DLEU7: variants seen among roughly 807,000 people sequenced by gnomAD.
The protein encoded by DLEU7 is leukemia-associated protein 7.
DLEU7 carries 17 observed loss-of-function variants against 16.0 expected under a neutral mutation model. That is an observed-to-expected ratio of 1.06 (90% CI 0.73 to 1.59). The LOEUF (loss-of-function observed/expected upper bound fraction) is 1.59. DLEU7 is among the 40% of genes most tolerant of loss of function. DLEU7 has a pLI of 0.00. For missense variants in DLEU7, 308 were observed against 314.9 expected, an observed-to-expected ratio of 0.98 and a Z score of 0.17; for synonymous variants, 113 against 139.8, an observed-to-expected ratio of 0.81 and a Z score of 1.35.
chr13:50,735,873 G>A (rs1874056171), intron 1 of DLEU7, among the ~76,000 whole-genome samples: 1 of 152,144 alleles, frequency 6.6e-6, no homozygotes, highest in African/African-American at 2.4e-5. Flanking sequence ...TGGCAAGGTT[G>A]CAGAGAAAAA....
intron 1 of DLEU7, among the ~76,000 whole-genome samples, chr13:50,829,748 G>A (rs1018632485): frequency 2.6e-5 from 4 of 152,220 alleles, no homozygotes; most frequent in South Asian, 4.1e-4. Context: ...TAGGCTTTCC[G>A]TGGGACTCTT....
intron 1 of DLEU7, chr13:50,808,442 T>C (rs1876460341): frequency 6.6e-6 from 1 of 152,174 alleles, no homozygotes; most frequent in South Asian, 2.1e-4. Flanking sequence ...CTGCAAGAAG[T>C]ACCAAGTGTT....
rs748081839 is a variant in DLEU7 at position 50,843,668 on chromosome 13, G to A, written c.-22C>T. 31 of 1,497,258 alleles carry A rather than the reference G, an allele frequency of 2.1e-5. No individual in the cohort carries two copies. The African/African-American group carries it at 3.6e-4, about 17-fold the overall frequency. The allele number at this position is 1,497,258 out of a possible 1,614,324, so 92.7% of individuals were successfully genotyped here. A position where few individuals can be genotyped will look rare whatever the true frequency, so the allele number is the denominator to read the frequency against. On this transcript the variant is annotated 5_prime_UTR_variant, in exon 1 of 2. Transcript: ENST00000504404. This position sits in a 1 kb window ranked among gnomAD's most constrained non-coding sequence, Gnocchi z 5.7. ...CCATCGCCTCCGCTGGCGGCCCGGCGCGCTCCGCGTGCAGGTGGAGCAGCA... is the reference window on the plus strand; with the variant it reads ...CCATCGCCTCCGCTGGCGGCCCGGCACGCTCCGCGTGCAGGTGGAGCAGCA...
At chr13:50,737,731 GAC>G (rs1208606048) in intron 1 of DLEU7, among the ~76,000 whole-genome samples, 1 of 152,030 alleles carries the variant, frequency 6.6e-6, no homozygotes, top group African/African-American at 2.4e-5. Context: ...AATTCCCTGA[GAC>G]ACAACAATAT....
intron 1 of DLEU7, among the ~76,000 whole-genome samples, chr13:50,752,784 G>A (rs1354740529): frequency 1.3e-5 from 2 of 152,138 alleles, no homozygotes; most frequent in Non-Finnish European, 2.9e-5. Flanking sequence ...CCCAAAGAGT[G>A]AGCAGCAACA....
At chr13:50,774,293 A>T (rs755749376) in intron 1 of DLEU7, among the ~76,000 whole-genome samples, 3 of 152,138 alleles carry the variant, frequency 2.0e-5, no homozygotes, top group Admixed American at 2.0e-4. Context: ...AACCAGTCCC[A>T]GTGAGATGAA....
chr13:50,843,582 T>A lies in DLEU7; in HGVS notation c.65A>T (p.Gln22Leu), dbSNP rs1486870189. ...CCAGCCCCACTCCTGCTGCAGCAGC[T>A]GCAAGGTCTGCAGAGCCACCATTTG... is the stretch of plus-strand genomic sequence containing the variant. ...SHQMVALQTLQLLQQEWGWGD... is the reference protein window; with the variant it reads ...SHQMVALQTLLLLQQEWGWGD... Residue 22 changes from glutamine (Q) to leucine (L), a missense_variant, in exon 1 of 2, where the codon CAG (glutamine) becomes CTG (leucine). Gln to Leu is a moderately radical substitution (Grantham distance 113). Transcript: ENST00000504404. The surrounding 1 kb of genome is among the most constrained non-coding windows in gnomAD (Gnocchi z 5.7). 4 of 1,499,354 alleles carry A rather than the reference T, an allele frequency of 2.7e-6. No individual in the cohort carries two copies. The highest frequency in any genetic ancestry group is 1.5e-5 in the African/African-American group (1 of 68,932). 92.9% of individuals were successfully genotyped at this position (1,499,354 alleles called of 1,614,324 possible).
chr13:50,828,368 C>T (rs779618910), intron 1 of DLEU7, among the ~76,000 whole-genome samples: 9 of 152,022 alleles, frequency 5.9e-5, no homozygotes, highest in Non-Finnish European at 1.3e-4. Flanking sequence ...ACATAGATAC[C>T]CTTCCCAAAA....
chr13:50,820,235 C>G (rs1454693833), downstream of DLEU7, among the ~76,000 whole-genome samples: 1 of 150,238 alleles, frequency 6.7e-6, no homozygotes, highest in East Asian at 2.0e-4. Context: ...GGGAATTGGA[C>G]AAAAAGAATT....
intron 1 of DLEU7, among the ~76,000 whole-genome samples, chr13:50,798,213 A>G (rs1876153387): frequency 6.6e-6 from 1 of 152,204 alleles, no homozygotes. Flanking sequence ...AGTCATTGAA[A>G]GTGACCTAAC....
chr13:50,776,030 T>A (rs1295130298), intron 1 of DLEU7, among the ~76,000 whole-genome samples: 1 of 152,240 alleles, frequency 6.6e-6, no homozygotes, highest in African/African-American at 2.4e-5. Flanking sequence ...CAGCCTTTTA[T>A]TCCCATGAAG....
chr13:50,752,052 C>CTTTTTTTTTTTTTTTTTTTTTTTT (rs200928092), intron 1 of DLEU7, among the ~76,000 whole-genome samples: 1 of 135,756 alleles, frequency 7.4e-6, no homozygotes, highest in African/African-American at 2.7e-5. Context: ...CTCTTTCAGT[C>CTTTTTTTTTTTTTTTTTTTTTTTT]TTTTTTTTTT....
intron 1 of DLEU7, among the ~76,000 whole-genome samples, chr13:50,814,127 C>G (rs1876651427): frequency 6.6e-6 from 1 of 151,872 alleles, no homozygotes; most frequent in Non-Finnish European, 1.5e-5. Context: ...TGAACATTGC[C>G]AACAGATTTC....
At chr13:50,762,126 G>A (rs1874952492) in intron 1 of DLEU7, among the ~76,000 whole-genome samples, 1 of 148,874 alleles carries the variant, frequency 6.7e-6, no homozygotes, top group Non-Finnish European at 1.5e-5. Context: ...GGGAGGCGGA[G>A]GTTGCAGTGA....
chr13:50,720,236 G>A (rs1873560413), intron 1 of DLEU7, among the ~76,000 whole-genome samples: 1 of 152,132 alleles, frequency 6.6e-6, no homozygotes, highest in Non-Finnish European at 1.5e-5. Context: ...CACATCATGT[G>A]GCAAGCTGAG....
At chr13:50,771,152 T>C (rs9591358) in intron 1 of DLEU7, among the ~76,000 whole-genome samples, 1,630 of 152,100 alleles carry the variant, frequency 0.011, 27 homozygotes, top group African/African-American at 0.036. Flanking sequence ...ATTTGATTCT[T>C]CTCTTTTCTT....
intron 1 of DLEU7, among the ~76,000 whole-genome samples, chr13:50,770,388 G>T (rs1462421604): frequency 6.6e-6 from 1 of 152,130 alleles, no homozygotes; most frequent in Non-Finnish European, 1.5e-5. Context: ...TGCCCATTCA[G>T]TATGATATTG....
chr13:50,729,512 TG>T (rs1225313259), intron 1 of DLEU7, among the ~76,000 whole-genome samples: 1 of 152,054 alleles, frequency 6.6e-6, no homozygotes, highest in African/African-American at 2.4e-5. Context: ...TGTGTCTTTA[TG>T]GTAGAAATAT....
chr13:50,793,610 AC>A (rs1876030024), intron 1 of DLEU7, among the ~76,000 whole-genome samples: 1 of 152,198 alleles, frequency 6.6e-6, no homozygotes, highest in South Asian at 2.1e-4. Flanking sequence ...AGTGATGATG[AC>A]CATTTTTTCT....
Sources: gnomAD v4.1 joint callset for allele counts (sites outside exome capture counted in the v4.1 genomes callset) on GRCh38, gnomAD v4.1.1 for gene constraint, Gnocchi (gnomAD v3.1) non-coding constraint, MANE v1.5 for transcripts, NCBI Gene and HGNC (gene_info 2026-07-23, HGNC 2026-07-21) for gene names.